The following TNRC18 variants were observed in gnomAD, a reference collection of about 807,000 sequenced individuals.
The protein encoded by TNRC18 is trinucleotide repeat containing 18, also known as trinucleotide repeat-containing gene 18 protein.
Under a neutral mutation model 226.7 loss-of-function variants are expected in TNRC18, and 69 were observed. The observed-to-expected ratio is 0.30, with a 90% confidence interval of 0.25 to 0.37. The LOEUF is 0.37. TNRC18 is among the 10% of genes least tolerant of loss of function. The pLI is 1.00. For synonymous variants in TNRC18, 2,449 were observed against 1,927.6 expected, an observed-to-expected ratio of 1.27 and a Z score of -7.09; for missense variants, 4,754 against 4,256.6, an observed-to-expected ratio of 1.12 and a Z score of -3.25.
rs1366326973 is a variant in TNRC18, at chr7:5,421,381, G to A, written c.-135C>T. The A allele has an allele frequency of 1.2e-5, 10 of 850,928 alleles. No individual in the cohort carries two copies. The highest frequency in any genetic ancestry group is 5.6e-5 in the South Asian group (1 of 17,762). 52.7% of individuals were successfully genotyped at this position (850,928 alleles called of 1,614,324 possible). A position where few individuals can be genotyped will look rare whatever the true frequency, so the allele number is the denominator to read the frequency against. Reference sequence around the variant, plus strand: ...TCCGCGGCGTGCATGGCGGCGGCCAGCGGGGCTTGCGCTCGGCGGCGGGCC... The same window carrying A: ...TCCGCGGCGTGCATGGCGGCGGCCAACGGGGCTTGCGCTCGGCGGCGGGCC... On this transcript the variant is annotated 5_prime_UTR_variant, in exon 2 of 30. Transcript: ENST00000430969.
At chr7:5,310,504 G>A (rs2128101082) in intron 27 of TNRC18, among the ~76,000 whole-genome samples, 1 of 152,242 alleles carries the variant, frequency 6.6e-6, no homozygotes, top group South Asian at 2.1e-4. Context: ...CAGAGTGCTG[G>A]GATTACAGGT....
Position 5,377,295 on chromosome 7 carries a change from C to A in TNRC18, c.2461+76G>T. The A allele has an allele frequency of 7.1e-7, 1 of 1,404,462 alleles. No homozygotes were observed. 87.0% of individuals were successfully genotyped at this position (1,404,462 alleles called of 1,614,324 possible). On this transcript the variant is annotated intron_variant, in intron 7 of 29. Transcript: ENST00000430969. This position sits in a 1 kb window ranked among gnomAD's most constrained non-coding sequence, Gnocchi z 5.8. The stretch of plus-strand genomic sequence containing the variant: ...AGGAAACGGCAGGCAGGAGCCAGCC[C>A]TGAGCTCTTGTCCTGCACCCGCCCC...
chr7:5,345,981 G>A (rs935322820), intron 17 of TNRC18, among the ~76,000 whole-genome samples, 171 bp from the exon 18 acceptor site: 3 of 152,188 alleles, frequency 2.0e-5, no homozygotes, highest in Non-Finnish European at 2.9e-5. Context: ...CCCATCCGAT[G>A]GCCCAATGCC....
chr7:5,331,832 C>G (rs1298038581), intron 19 of TNRC18, among the ~76,000 whole-genome samples: 1 of 152,048 alleles, frequency 6.6e-6, no homozygotes, highest in Non-Finnish European at 1.5e-5. Context: ...GCTGCTTGAG[C>G]CCAAGAGTTC....
intron 11 of TNRC18, among the ~76,000 whole-genome samples, chr7:5,369,762 T>C (rs1199515361): frequency 6.6e-6 from 1 of 152,202 alleles, no homozygotes; most frequent in East Asian, 1.9e-4. Flanking sequence ...CCAATTTAAA[T>C]GAGAGTTTCT....
chr7:5,362,099 A>C, intron 12 of TNRC18, 66 bp from the exon 13 acceptor site: 1 of 1,568,706 alleles, frequency 6.4e-7, no homozygotes, highest in South Asian at 1.2e-5. Flanking sequence ...CCCACCGCCC[A>C]CCCAGGGGTG....
At chr7:5,416,674 G>A (rs1782210001) in intron 2 of TNRC18, among the ~76,000 whole-genome samples, 1 of 150,562 alleles carries the variant, frequency 6.6e-6, no homozygotes, top group African/African-American at 2.4e-5. Context: ...TGGCCAACAC[G>A]GTAAAACTCC....
At chr7:5,328,761 C>T (rs1319788680) in intron 19 of TNRC18, among the ~76,000 whole-genome samples, 2 of 151,952 alleles carry the variant, frequency 1.3e-5, no homozygotes, top group Non-Finnish European at 1.5e-5. Context: ...CCACCCGCCT[C>T]GGCCTCCCAA....
Position 5,312,470 on chromosome 7 carries a change from C to T in TNRC18, c.8388+33G>A, listed in dbSNP as rs1015760361. On this transcript the variant is annotated intron_variant, in intron 27 of 29. Transcript: ENST00000430969. This position sits in a 1 kb window ranked among gnomAD's most constrained non-coding sequence, Gnocchi z 6.3. The stretch of plus-strand genomic sequence containing the variant: ...AGCAGAGAGACACAAGGCCCCCGGC[C>T]CCTCGGCCGTGCCCGGGCGCGAGCT... 1 of 1,602,610 alleles carries T rather than the reference C, an allele frequency of 6.2e-7. No homozygotes were observed. Among genetic ancestry groups the T allele is most frequent in the African/African-American group, 1.3e-5 (1 of 74,676 alleles).
At chr7:5,368,064 C>A (rs201824976) in intron 11 of TNRC18, among the ~76,000 whole-genome samples, 20 of 134,780 alleles carry the variant, frequency 1.5e-4, no homozygotes, top group African/African-American at 3.4e-4. Flanking sequence ...AAAAAAAAAA[C>A]AACTTTGTTT....
intron 19 of TNRC18, among the ~76,000 whole-genome samples, chr7:5,331,102 G>GC (rs1294284086): frequency 6.6e-6 from 1 of 152,140 alleles, no homozygotes; most frequent in African/African-American, 2.4e-5. Context: ...GCTTACACTG[G>GC]CCCCTTCCTC....
chr7:5,357,307 A>G, intron 15 of TNRC18, 31 bp from the exon 16 acceptor site: 1 of 1,583,402 alleles, frequency 6.3e-7, no homozygotes, highest in South Asian at 1.2e-5. Flanking sequence ...ATGGGTTAAA[A>G]GATCTGACAA....
chr7:5,389,371 G>C (rs369678971), intron 4 of TNRC18, 35 bp from the exon 5 acceptor site: 5 of 1,238,706 alleles, frequency 4.0e-6, no homozygotes, highest in South Asian at 7.2e-5. Context: ...GTGAGCGAGC[G>C]CCACCTCCCC....
intron 18 of TNRC18, among the ~76,000 whole-genome samples, chr7:5,341,533 G>A (rs1322616026): frequency 2.6e-5 from 4 of 151,974 alleles, no homozygotes; most frequent in African/African-American, 9.7e-5. Context: ...GGAGGCCAAG[G>A]CAGGAGGATC....
intron 17 of TNRC18, among the ~76,000 whole-genome samples, chr7:5,349,194 G>C (rs994307241): frequency 6.6e-6 from 1 of 152,188 alleles, no homozygotes; most frequent in Non-Finnish European, 1.5e-5. Flanking sequence ...AGACCCTCCC[G>C]CCTCCCTGCG....
rs535978227 is a variant in TNRC18, at chr7:5,342,077, G to A, written c.5719+3485C>T. On this transcript the variant is annotated intron_variant, in intron 18 of 29. Coordinates refer to ENST00000430969, the MANE Select transcript of TNRC18 (RefSeq NM_001080495.3). Reference sequence around the variant, plus strand: ...TAATTTGTAAGGCTACAGCTGCCACGGATGATGATTCCTCTGATGGATCTG... The same window carrying A: ...TAATTTGTAAGGCTACAGCTGCCACAGATGATGATTCCTCTGATGGATCTG... 8.5e-5 allele frequency among the ~76,000 whole-genome samples: 13 copies of A among 152,262 alleles called. No homozygotes were observed. The South Asian group carries it at 2.1e-3, about 24-fold the overall frequency.
intron 19 of TNRC18, among the ~76,000 whole-genome samples, chr7:5,327,076 T>C (rs1261861009): frequency 1.3e-5 from 2 of 152,278 alleles, no homozygotes; most frequent in East Asian, 3.9e-4. Context: ...TGAGCCGACA[T>C]CGTGCCACTG....
chr7:5,380,852 G>A (rs1779348901), intron 5 of TNRC18, among the ~76,000 whole-genome samples: 2 of 152,192 alleles, frequency 1.3e-5, no homozygotes, highest in African/African-American at 2.4e-5. Context: ...TCCCAGGGGA[G>A]ACAGCCGTCC....
At position 5,327,518 on chromosome 7, in the gene TNRC18, T is replaced by C. The variant is rs561041906; in HGVS notation, c.6148-2270A>G. Among the ~76,000 whole-genome samples the C allele has an allele frequency of 2.5e-3, 377 of 152,178 alleles. 1 individual carries two copies. The highest frequency in any genetic ancestry group is 8.5e-3 in the African/African-American group (354 of 41,536). ...AAAGAATGTTAGTGGCGCTGTCCCC[T>C]TATCTCTGGGATCCGTCATTAAGCA... On this transcript the variant is annotated intron_variant, in intron 19 of 29. Transcript: ENST00000430969.
Sources: gnomAD v4.1 joint callset for allele counts (sites outside exome capture counted in the v4.1 genomes callset) on GRCh38, gnomAD v4.1.1 for gene constraint, Gnocchi (gnomAD v3.1) non-coding constraint, MANE v1.5 for transcripts, NCBI Gene and HGNC (gene_info 2026-07-23, HGNC 2026-07-21) for gene names.